DLG2: variants seen among roughly 807,000 people sequenced by gnomAD.
DLG2 encodes the protein disks large homolog 2.
A neutral mutation model predicts 132.5 loss-of-function variants in DLG2; 45 were observed. That is an observed-to-expected ratio of 0.34 (90% CI 0.27 to 0.44). The LOEUF is 0.44. DLG2 is among the 20% of genes least tolerant of loss of function. The pLI is 1.00. For missense variants in DLG2, 1,045 were observed against 1,196.9 expected (o/e 0.87, Z 1.87); for synonymous variants, 424 against 419.6 (o/e 1.01, Z -0.13).
chr11:85,546,732 T>C (rs1211520706), intron 3 of DLG2, among the ~76,000 whole-genome samples: 1 of 152,188 alleles, frequency 6.6e-6, no homozygotes, highest in African/African-American at 2.4e-5. Flanking sequence ...ATTGATCCTT[T>C]TTCCATTATG....
intron 5 of DLG2, among the ~76,000 whole-genome samples, chr11:85,143,396 T>A (rs1160211350): frequency 6.6e-6 from 1 of 151,856 alleles, no homozygotes; most frequent in African/African-American, 2.4e-5. Context: ...AATGTCACGT[T>A]TTTCATCTGA....
At chr11:83,926,109 G>GTTTTTTTTTTTTTTTTTTT (rs1565666073) in intron 15 of DLG2, among the ~76,000 whole-genome samples, 1 of 152,120 alleles carries the variant, frequency 6.6e-6, no homozygotes, top group African/African-American at 2.4e-5. Context: ...CAACTTCTCT[G>GTTTTTTTTTTTTTTTTTTT]TTTTCTTTTA....
intron 3 of DLG2, among the ~76,000 whole-genome samples, chr11:85,516,639 T>G (rs1389554270): frequency 6.6e-6 from 1 of 151,992 alleles, no homozygotes; most frequent in Non-Finnish European, 1.5e-5. Flanking sequence ...GAAACTACTA[T>G]GAACATCTCT....
intron 6 of DLG2, among the ~76,000 whole-genome samples, chr11:84,634,875 A>C (rs201300519): frequency 2.0e-5 from 3 of 152,142 alleles, no homozygotes; most frequent in Non-Finnish European, 4.4e-5. Context: ...CAAGCCTTTT[A>C]AAAAAGTAGC....
At chr11:83,906,040 T>A (rs2074625117) in intron 15 of DLG2, among the ~76,000 whole-genome samples, 1 of 129,438 alleles carries the variant, frequency 7.7e-6, no homozygotes, top group Non-Finnish European at 1.6e-5. Flanking sequence ...CTATATCAGA[T>A]GTCTGTCTGT....
intron 15 of DLG2, among the ~76,000 whole-genome samples, chr11:83,899,821 A>G (rs944850178): frequency 2.6e-5 from 4 of 152,214 alleles, no homozygotes; most frequent in Non-Finnish European, 5.9e-5. Context: ...CTGAAAAGAT[A>G]CCCAAAAATG....
intron 3 of DLG2, among the ~76,000 whole-genome samples, chr11:85,571,940 C>T (rs537534968): frequency 8.1e-4 from 123 of 152,188 alleles, no homozygotes; most frequent in African/African-American, 2.1e-3. Flanking sequence ...TAGATATACC[C>T]GTAGCAGAAA....
intron 7 of DLG2, among the ~76,000 whole-genome samples, chr11:84,291,708 T>A (rs1270500202): frequency 6.6e-6 from 1 of 152,208 alleles, no homozygotes; most frequent in Non-Finnish European, 1.5e-5. Context: ...TTATTAAATA[T>A]TGGTAGCACA....
intron 4 of DLG2, among the ~76,000 whole-genome samples, chr11:85,273,429 C>G (rs552358800): frequency 8.5e-5 from 13 of 152,100 alleles, no homozygotes; most frequent in Non-Finnish European, 1.6e-4. Flanking sequence ...ACAACCCCAT[C>G]AAAAAGTGGG....
chr11:85,112,802 T>C (rs552388362), intron 5 of DLG2, among the ~76,000 whole-genome samples: 2 of 152,190 alleles, frequency 1.3e-5, no homozygotes, highest in African/African-American at 4.8e-5. Flanking sequence ...CTGGTGCCCA[T>C]GTATGCTCTT....
intron 8 of DLG2, among the ~76,000 whole-genome samples, chr11:84,197,485 A>G (rs1274591089): frequency 1.3e-5 from 2 of 152,240 alleles, no homozygotes; most frequent in Non-Finnish European, 2.9e-5. Flanking sequence ...CAATGGAAAG[A>G]ATGACATCAT....
intron 18 of DLG2, among the ~76,000 whole-genome samples, chr11:83,766,787 T>G (rs1262609682): frequency 1.3e-5 from 2 of 152,210 alleles, no homozygotes; most frequent in Non-Finnish European, 2.9e-5. Flanking sequence ...TAAATACAAT[T>G]ATTATCATTT....
At chr11:84,038,935 G>A (rs2095963683) in intron 11 of DLG2, among the ~76,000 whole-genome samples, 1 of 151,990 alleles carries the variant, frequency 6.6e-6, no homozygotes, top group African/African-American at 2.4e-5. Context: ...CACTGGAACA[G>A]CATGGAGGTA....
chr11:85,343,033 GT>G (rs35165572), intron 3 of DLG2, among the ~76,000 whole-genome samples: 12,429 of 152,074 alleles, frequency 0.082, 754 homozygotes, highest in East Asian at 0.28. Context: ...CGTAATGTGA[GT>G]TTTTTCATTA....
At chr11:85,400,729 C>A in intron 3 of DLG2, among the ~76,000 whole-genome samples, 1 of 146,046 alleles carries the variant, frequency 6.8e-6, no homozygotes. Context: ...GGGAATTGAA[C>A]AATGAGAACA....
intron 6 of DLG2, among the ~76,000 whole-genome samples, chr11:84,774,166 G>C (rs1253596402): frequency 6.6e-6 from 1 of 151,818 alleles, no homozygotes; most frequent in African/African-American, 2.4e-5. Flanking sequence ...ACCAAATCAA[G>C]AATGCAATCC....
At chr11:84,539,118 T>C (rs1316631063) in intron 6 of DLG2, among the ~76,000 whole-genome samples, 1 of 152,216 alleles carries the variant, frequency 6.6e-6, no homozygotes, top group East Asian at 1.9e-4. Flanking sequence ...GGAGCCATAT[T>C]AAATGCTTTA....
At chr11:85,420,862 C>T (rs1296939942) in intron 3 of DLG2, among the ~76,000 whole-genome samples, 4 of 152,240 alleles carry the variant, frequency 2.6e-5, no homozygotes, top group African/African-American at 9.6e-5. Flanking sequence ...TGGATCTTAG[C>T]TTGCTGGGCT....
At chr11:85,566,384 A>G (rs1477503613) in intron 3 of DLG2, among the ~76,000 whole-genome samples, 1 of 152,110 alleles carries the variant, frequency 6.6e-6, no homozygotes, top group Non-Finnish European at 1.5e-5. Flanking sequence ...GTCATAGTTA[A>G]GAAATCATGG....
Sources: gnomAD v4.1 joint callset for allele counts (sites outside exome capture counted in the v4.1 genomes callset) on GRCh38, gnomAD v4.1.1 for gene constraint, MANE v1.5 for transcripts, NCBI Gene and HGNC (gene_info 2026-07-23, HGNC 2026-07-21) for gene names.